Variants in INVS observed in about 807,000 individuals in gnomAD.
The protein encoded by INVS is inversin.
INVS carries 86 observed loss-of-function variants against 108.8 expected under a neutral mutation model. The observed-to-expected ratio is 0.79, with a 90% CI of 0.66 to 0.95. The LOEUF (loss-of-function observed/expected upper bound fraction) is 0.95, where lower values mean the gene tolerates loss of function less well. Among genes scored for constraint, INVS ranks in the 40% least tolerant of loss-of-function variants. INVS has a pLI of 0.00. For synonymous variants in INVS, 455 were observed against 473.5 expected (o/e 0.96, Z 0.51); for missense variants, 1,169 against 1,297.4 (o/e 0.90, Z 1.52).
chr9:100,217,763 C>T (rs1831034567), intron 3 of INVS, among the ~76,000 whole-genome samples: 1 of 152,182 alleles, frequency 6.6e-6, no homozygotes, highest in South Asian at 2.1e-4. Flanking sequence ...TGGAGTCAAG[C>T]TTTTGCATTC....
Position 100,104,677 on chromosome 9 carries a change from G to C in INVS, c.106+50G>C, listed in dbSNP as rs1326436595. 3.2e-6 allele frequency: 4 copies of C among 1,249,378 alleles called. No individual in the cohort carries two copies. The Admixed American group carries it at 6.8e-5, about 21-fold the overall frequency. The allele number at this position is 1,249,378 out of a possible 1,614,324, so 77.4% of individuals were successfully genotyped here. ...AACTTTAAAAGCAACTGTTTGTCCTGAGGAAGTTTGTTAATGTTAGTTTTA... is the reference window on the plus strand; with the variant it reads ...AACTTTAAAAGCAACTGTTTGTCCTCAGGAAGTTTGTTAATGTTAGTTTTA... On this transcript the variant is annotated intron_variant, in intron 2 of 16. Transcript: ENST00000262457.
intron 3 of INVS, among the ~76,000 whole-genome samples, chr9:100,186,242 C>T (rs1016189320): frequency 6.6e-6 from 1 of 152,078 alleles, no homozygotes; most frequent in East Asian, 1.9e-4. Flanking sequence ...CTTCACCTCC[C>T]GGGTTTTAAA....
chr9:100,123,970 G>A (rs1424095091), intron 2 of INVS, among the ~76,000 whole-genome samples: 3 of 151,950 alleles, frequency 2.0e-5, no homozygotes, highest in Non-Finnish European at 2.9e-5. Flanking sequence ...CACCACACCC[G>A]GCTAATTTTT....
At chr9:100,186,177 T>C (rs1830049810) in intron 3 of INVS, among the ~76,000 whole-genome samples, 2 of 151,812 alleles carry the variant, frequency 1.3e-5, no homozygotes, top group Non-Finnish European at 2.9e-5. Context: ...TGAGATGGAG[T>C]TTCACTCCGT....
chr9:100,229,584 G>A, intron 4 of INVS, 76 bp from the exon 5 acceptor site: 1 of 1,314,914 alleles, frequency 7.6e-7, no homozygotes. Flanking sequence ...TCTTATAACA[G>A]TGCCTGTCCC....
At chr9:100,129,957 A>C in intron 3 of INVS, 1 of 413,096 alleles carries the variant, frequency 2.4e-6, no homozygotes, top group Non-Finnish European at 4.4e-6. Context: ...CAAATTCCTC[A>C]CAAGTTTTTA....
rs1448908945 is a variant in INVS, at chr9:100,300,681, A to G, written c.*7A>G. On this transcript the variant is annotated 3_prime_UTR_variant, in exon 17 of 17. Coordinates refer to ENST00000262457, the MANE Select transcript of INVS (RefSeq NM_014425.5). ...AAACAAAACAAAACCTTGACTGCCT[A>G]TGGAGGAAGACTGTGTTCGGGGGAG... The G allele has an allele frequency of 5.0e-6, 8 of 1,590,868 alleles. No individual in the cohort carries two copies. The highest frequency in any genetic ancestry group is 2.2e-5 in the East Asian group (1 of 44,786).
At chr9:100,263,439 C>A (rs1832690966) in intron 10 of INVS, among the ~76,000 whole-genome samples, 1 of 152,134 alleles carries the variant, frequency 6.6e-6, no homozygotes, top group African/African-American at 2.4e-5. Flanking sequence ...TGCCCACATT[C>A]CTTGGCTGAT....
chr9:100,138,052 T>C (rs186015861), intron 3 of INVS, among the ~76,000 whole-genome samples: 8 of 151,544 alleles, frequency 5.3e-5, no homozygotes, highest in Non-Finnish European at 1.2e-4. Flanking sequence ...GTAACTTTAA[T>C]TGAGAATAAC....
intron 3 of INVS, among the ~76,000 whole-genome samples, chr9:100,158,641 G>A (rs1311388614): frequency 6.6e-6 from 1 of 152,188 alleles, no homozygotes; most frequent in Non-Finnish European, 1.5e-5. Flanking sequence ...TTATCATCTA[G>A]TCCATGCTCT....
At chr9:100,147,127 A>ACTT (rs1828643897) in intron 3 of INVS, among the ~76,000 whole-genome samples, 1 of 152,176 alleles carries the variant, frequency 6.6e-6, no homozygotes, top group Non-Finnish European at 1.5e-5. Flanking sequence ...TCAATTATAG[A>ACTT]CTTAACTCTG....
chr9:100,100,688 T>TA (rs1826839276), intron 1 of INVS, among the ~76,000 whole-genome samples: 1 of 33,104 alleles, frequency 3.0e-5, no homozygotes, highest in African/African-American at 2.4e-4. Context: ...ATAATATATA[T>TA]ATTATATATG....
intron 3 of INVS, among the ~76,000 whole-genome samples, chr9:100,225,389 T>C (rs1010896319): frequency 8.5e-5 from 13 of 152,186 alleles, no homozygotes; most frequent in Non-Finnish European, 1.5e-4. Flanking sequence ...ACCTTAGTTG[T>C]ACCCATAAAT....
In INVS at chr9:100,256,120, A is replaced by G. The variant is rs375351715; in HGVS notation, c.1464+2984A>G. Among the ~76,000 whole-genome samples, 14 of 152,278 alleles carry G rather than the reference A, an allele frequency of 9.2e-5. No individual in the cohort carries two copies. The South Asian group carries it at 2.1e-3, about 23-fold the overall frequency. On this transcript the variant is annotated intron_variant, in intron 10 of 16. Coordinates refer to ENST00000262457, the MANE Select transcript of INVS (RefSeq NM_014425.5). The stretch of plus-strand genomic sequence containing the variant: ...TGTTATTGGTCTATTCAGGGATTCA[A>G]CTTCTTCCTGGTTTAGTCTTGGGAG...
At chr9:100,253,195 T>C in intron 10 of INVS, 59 bp downstream of exon 10, 2 of 1,346,698 alleles carry the variant, frequency 1.5e-6, no homozygotes, top group East Asian at 2.3e-5. Flanking sequence ...ATTTCTTCTT[T>C]GTTGTAAACA....
chr9:100,175,475 T>C lies in INVS; in HGVS notation c.273+48926T>C, dbSNP rs1029668021. The C allele has an allele frequency of 1.2e-5, 10 of 835,564 alleles. No homozygotes were observed. In the South Asian group the frequency reaches 1.2e-4, roughly 10 times the overall value. The allele number at this position is 835,564 out of a possible 1,614,324, so 51.8% of individuals were successfully genotyped here. ...CCACCCAGCTGTGTGTACTCAGTGA[T>C]AGATTTCAGAGACAGAAATACCTCA... On this transcript the variant is annotated intron_variant, in intron 3 of 16. Coordinates refer to ENST00000262457, the MANE Select transcript of INVS (RefSeq NM_014425.5).
chr9:100,177,613 G>A (rs953490902), intron 3 of INVS, among the ~76,000 whole-genome samples: 6 of 152,184 alleles, frequency 3.9e-5, no homozygotes, highest in Non-Finnish European at 8.8e-5. Flanking sequence ...TGAAAGAAAG[G>A]CAGAAGCCCC....
At chr9:100,133,989 A>G (rs1828138542) in intron 3 of INVS, among the ~76,000 whole-genome samples, 1 of 152,180 alleles carries the variant, frequency 6.6e-6, no homozygotes, top group Non-Finnish European at 1.5e-5. Context: ...GTATTTGGTT[A>G]CATGAGTAAG....
At chr9:100,246,163 G>T (rs10819749) in intron 7 of INVS, among the ~76,000 whole-genome samples, 1 of 147,474 alleles carries the variant, frequency 6.8e-6, no homozygotes, top group Non-Finnish European at 1.5e-5. Flanking sequence ...AAAAAAAAAA[G>T]AAAAAGAAAA....
Sources: gnomAD v4.1 joint callset for allele counts (sites outside exome capture counted in the v4.1 genomes callset) on GRCh38, gnomAD v4.1.1 for gene constraint, MANE v1.5 for transcripts, NCBI Gene and HGNC (gene_info 2026-07-23, HGNC 2026-07-21) for gene names.